The following TPCN1 variants were observed in gnomAD, a reference collection of about 807,000 sequenced individuals.
TPCN1 encodes the protein two pore segment channel 1.
In TPCN1, 52 loss-of-function variants were observed where a neutral mutation model predicts 108.8. The observed-to-expected ratio is 0.48, with a 90% confidence interval of 0.38 to 0.60. TPCN1 has a LOEUF of 0.60. Among genes scored for constraint, TPCN1 ranks in the 20% least tolerant of loss-of-function variants. TPCN1 has a pLI of 0.00. For missense variants in TPCN1, 806 were observed against 1,072.8 expected (o/e 0.75, Z 3.47); for synonymous variants, 446 against 433.7 (o/e 1.03, Z -0.35).
intron 1 of TPCN1, among the ~76,000 whole-genome samples, chr12:113,225,504 A>G (rs1953437214): frequency 6.6e-6 from 1 of 151,912 alleles, no homozygotes; most frequent in South Asian, 2.1e-4. Context: ...CTCCCTCCGT[A>G]TTTTAATGCT....
chr12:113,266,333 C>G lies in TPCN1; in HGVS notation c.391C>G (p.Pro131Ala). Residue 131 changes from proline to alanine, a missense_variant, in exon 4 of 28, where the codon CCC (proline) becomes GCC (alanine). Pro to Ala is a conservative substitution (Grantham distance 27). Coordinates refer to ENST00000335509, the MANE Select transcript of TPCN1 (RefSeq NM_017901.6). The surrounding 1 kb of genome is among the most constrained non-coding windows in gnomAD (Gnocchi z 4.2). ...LLSLCEAPAV[P>A]ALRLGIYVHA... ...CTCCCTGTGCGAGGCCCCCGCCGTC[C>G]CCGCACTCCGGCTTGGCATCTATGT... 6.2e-7 allele frequency: 1 copy of G among 1,609,432 alleles called. No homozygotes were observed. Among genetic ancestry groups the G allele is most frequent in the Non-Finnish European group, 8.5e-7 (1 of 1,179,996 alleles).
intron 2 of TPCN1, among the ~76,000 whole-genome samples, chr12:113,240,696 G>A (rs907818297): frequency 2.0e-5 from 3 of 151,164 alleles, no homozygotes; most frequent in African/African-American, 7.3e-5. Context: ...TACCATTCCT[G>A]TTGTGTTGCA....
At chr12:113,248,414 A>G (rs1954488446) in intron 2 of TPCN1, among the ~76,000 whole-genome samples, 1 of 152,268 alleles carries the variant, frequency 6.6e-6, no homozygotes, top group East Asian at 1.9e-4. Context: ...AGGCGGGGAA[A>G]CAGGCCCACG....
rs1181599486 is a variant in TPCN1, at chr12:113,293,040, G to A, written c.2220G>A (p.Leu740=). 1.2e-6 allele frequency: 2 copies of A among 1,613,060 alleles called. No homozygotes were observed. Among genetic ancestry groups the A allele is most frequent in the East Asian group, 2.2e-5 (1 of 44,868 alleles). Residue 740 remains leucine (L), a synonymous_variant, in exon 26 of 28, where the codon CTG becomes CTA. Transcript: ENST00000335509. The stretch of plus-strand genomic sequence containing the variant: ...GGGCCTCCTCGGATGTCACCAGGCT[G>A]CTGGAGACCCTCTCCCAGATGGAGA... ...ARGASSDVTR[L]LETLSQMERY...
chr12:113,221,722 G>A (rs1953231818), intron 1 of TPCN1, 96 bp downstream of exon 1: 1 of 157,156 alleles, frequency 6.4e-6, no homozygotes, highest in African/African-American at 2.4e-5. Context: ...GCAGCACTCT[G>A]GTGTGGGAGG....
intron 15 of TPCN1, among the ~76,000 whole-genome samples, chr12:113,282,438 G>A (rs1381249989): frequency 6.6e-6 from 1 of 151,730 alleles, no homozygotes; most frequent in Non-Finnish European, 1.5e-5. Flanking sequence ...TATTTTGGGG[G>A]ATTGCTTTTG....
chr12:113,257,677 A>G (rs1302293187), intron 2 of TPCN1, among the ~76,000 whole-genome samples: 2 of 152,192 alleles, frequency 1.3e-5, no homozygotes, highest in African/African-American at 4.8e-5. Context: ...TACCAAAAGA[A>G]ACAAAAAGTG....
chr12:113,257,046 A>T (rs1593132130), intron 2 of TPCN1, among the ~76,000 whole-genome samples: 2 of 151,640 alleles, frequency 1.3e-5, no homozygotes, highest in Admixed American at 6.6e-5. Context: ...ATTTAATAAT[A>T]AAAAAAAAGA....
At chr12:113,263,245 C>T (rs375714193) in intron 3 of TPCN1, among the ~76,000 whole-genome samples, 393 of 152,254 alleles carry the variant, frequency 2.6e-3, no homozygotes, top group African/African-American at 3.1e-3. Flanking sequence ...CAGTCATTCA[C>T]GGCTGTTTCT....
chr12:113,283,652 T>C (rs1277261293), intron 15 of TPCN1, among the ~76,000 whole-genome samples: 2 of 151,958 alleles, frequency 1.3e-5, no homozygotes, highest in East Asian at 3.9e-4. Flanking sequence ...AAAAGTAATA[T>C]GTAGAAATGT....
intron 2 of TPCN1, among the ~76,000 whole-genome samples, chr12:113,229,847 T>A (rs978573415): frequency 7.2e-5 from 11 of 152,206 alleles, no homozygotes; most frequent in African/African-American, 2.7e-4. Context: ...GTTTTAAAGC[T>A]TCCTGGGACT....
At position 113,248,159 on chromosome 12, in the gene TPCN1, G is replaced by C. The variant is rs944687651; in HGVS notation, c.113-12209G>C. On this transcript the variant is annotated intron_variant, in intron 2 of 27. Transcript: ENST00000335509. ...GCCCACTGCACCCCGGGTGGAGCCC[G>C]CCCTCTTGCCCGAGGCCTGCCAGGC... 4.8e-4 allele frequency among the ~76,000 whole-genome samples: 73 copies of C among 152,202 alleles called. 2 individuals carry two copies. The highest frequency in any genetic ancestry group is 7.4e-5 in the Non-Finnish European group (5 of 68,020).
At chr12:113,226,271 A>G (rs998337893) in intron 1 of TPCN1, among the ~76,000 whole-genome samples, 1 of 151,984 alleles carries the variant, frequency 6.6e-6, no homozygotes, top group African/African-American at 2.4e-5. Context: ...TTTTTAAATT[A>G]AGATATAATT....
rs914853923 is a variant in TPCN1, at chr12:113,272,022, G to A, written c.749-636G>A. Among the ~76,000 whole-genome samples, 7 of 152,294 alleles carry A rather than the reference G, an allele frequency of 4.6e-5. No individual in the cohort carries two copies. Among genetic ancestry groups the A allele is most frequent in the African/African-American group, 1.2e-4 (5 of 41,566 alleles). On this transcript the variant is annotated intron_variant, in intron 7 of 27. Transcript: ENST00000335509. This position sits in a 1 kb window ranked among gnomAD's most constrained non-coding sequence, Gnocchi z 4.1. Reference sequence around the variant, plus strand: ...GCTAGAGCCAGGGCCAACCCCTCCCGGCCCTCGTGACTGCCTTGTCCTGAG... The same window carrying A: ...GCTAGAGCCAGGGCCAACCCCTCCCAGCCCTCGTGACTGCCTTGTCCTGAG...
chr12:113,248,708 C>A (rs59817061), intron 2 of TPCN1, among the ~76,000 whole-genome samples: 1 of 152,144 alleles, frequency 6.6e-6, no homozygotes, highest in Non-Finnish European at 1.5e-5. Flanking sequence ...TCAGGTTCCA[C>A]GAGACCCTCT....
intron 2 of TPCN1, among the ~76,000 whole-genome samples, chr12:113,251,195 G>T (rs1954618214): frequency 6.6e-6 from 1 of 152,076 alleles, no homozygotes; most frequent in South Asian, 2.1e-4. Flanking sequence ...CAGCTACTCT[G>T]GAGGCTTAGG....
chr12:113,271,417 T>C (rs116291198), intron 7 of TPCN1, among the ~76,000 whole-genome samples: 2,606 of 152,298 alleles, frequency 0.017, 58 homozygotes, highest in African/African-American at 0.059. Flanking sequence ...GTACCCCCTG[T>C]CCTACGCTTA....
chr12:113,276,653 G>A (rs1235665377), intron 10 of TPCN1, among the ~76,000 whole-genome samples: 2 of 152,194 alleles, frequency 1.3e-5, no homozygotes, highest in African/African-American at 4.8e-5. Flanking sequence ...GTGTGGGAAA[G>A]TGGAGGGGAA....
chr12:113,281,898 A>T (rs1955896886), intron 15 of TPCN1, among the ~76,000 whole-genome samples: 1 of 149,634 alleles, frequency 6.7e-6, no homozygotes, highest in South Asian at 2.1e-4. Context: ...CCAACTGGAT[A>T]CACATTTGGA....
Sources: allele counts gnomAD v4.1 joint callset (sites outside exome capture counted in the v4.1 genomes callset), GRCh38; gene constraint gnomAD v4.1.1; non-coding constraint Gnocchi (gnomAD v3.1); transcripts MANE v1.5; gene names NCBI Gene and HGNC (gene_info 2026-07-23, HGNC 2026-07-21).